Variants in CDH13 observed in about 807,000 individuals in gnomAD.
CDH13 encodes cadherin 13.
Under a neutral mutation model 63.8 loss-of-function variants are expected in CDH13, and 24 were observed. The observed-to-expected ratio is 0.38, with a 90% CI of 0.27 to 0.53. The LOEUF (loss-of-function observed/expected upper bound fraction) is 0.53. Ranked by LOEUF, CDH13 falls within the 20% of genes least tolerant of loss-of-function variation. The pLI, the probability that CDH13 is intolerant of heterozygous loss-of-function variation, is 0.85. For synonymous variants in CDH13, 503 were observed against 355.3 expected (o/e 1.42, Z -4.67); for missense variants, 1,049 against 903.1 (o/e 1.16, Z -2.07).
At chr16:83,294,944 C>G (rs2089555116) in intron 5 of CDH13, among the ~76,000 whole-genome samples, 1 of 152,080 alleles carries the variant, frequency 6.6e-6, no homozygotes, top group South Asian at 2.1e-4. Flanking sequence ...GCAAAGAGAA[C>G]AAAGCTGTAG....
intron 7 of CDH13, among the ~76,000 whole-genome samples, chr16:83,510,748 G>A (rs1455314114): frequency 6.6e-6 from 1 of 152,150 alleles, no homozygotes; most frequent in Non-Finnish European, 1.5e-5. Context: ...GGGGGTTTGG[G>A]TTTCTTTCAC....
chr16:82,746,714 A>C (rs1344643887), intron 1 of CDH13, among the ~76,000 whole-genome samples: 1 of 152,158 alleles, frequency 6.6e-6, no homozygotes, highest in Non-Finnish European at 1.5e-5. Context: ...TAAGACCTAG[A>C]AAAAATTCCC....
At chr16:83,758,824 T>C (rs1242603615) in intron 11 of CDH13, among the ~76,000 whole-genome samples, 1 of 152,230 alleles carries the variant, frequency 6.6e-6, no homozygotes, top group Non-Finnish European at 1.5e-5. Flanking sequence ...TAAAGAAAGA[T>C]ATGCAAGTCC....
chr16:82,943,402 T>C (rs1414901975), intron 2 of CDH13, among the ~76,000 whole-genome samples: 1 of 152,180 alleles, frequency 6.6e-6, no homozygotes, highest in Non-Finnish European at 1.5e-5. Flanking sequence ...CAGTGAATGA[T>C]TTTTTCTTTT....
At chr16:83,402,637 C>T (rs1032752687) in intron 6 of CDH13, among the ~76,000 whole-genome samples, 4 of 152,144 alleles carry the variant, frequency 2.6e-5, no homozygotes, top group African/African-American at 4.8e-5. Flanking sequence ...ATTGATAAAT[C>T]GTTGATAATA....
chr16:83,713,809 C>G (rs1908455219), intron 10 of CDH13, among the ~76,000 whole-genome samples: 1 of 152,196 alleles, frequency 6.6e-6, no homozygotes, highest in South Asian at 2.1e-4. Context: ...GTGACGTCAG[C>G]CCTGCATGTG....
intron 3 of CDH13, among the ~76,000 whole-genome samples, chr16:83,052,708 C>G (rs1437928789): frequency 2.2e-5 from 3 of 134,282 alleles, no homozygotes; most frequent in Admixed American, 1.8e-4. Context: ...ACCCAGAAGA[C>G]AGAGACTGCA....
At chr16:83,013,873 G>A (rs967900892) in intron 2 of CDH13, among the ~76,000 whole-genome samples, 1 of 152,184 alleles carries the variant, frequency 6.6e-6, no homozygotes, top group Non-Finnish European at 1.5e-5. Context: ...AAAGACAGAA[G>A]GAGGGTTTGC....
chr16:83,507,555 C>T (rs1429912547), intron 7 of CDH13, among the ~76,000 whole-genome samples: 2 of 152,098 alleles, frequency 1.3e-5, no homozygotes, highest in South Asian at 2.1e-4. Context: ...AATTAAAGAG[C>T]CCAGGAAACG....
intron 6 of CDH13, among the ~76,000 whole-genome samples, chr16:83,469,398 A>G (rs940371915): frequency 4.6e-5 from 7 of 152,156 alleles, no homozygotes; most frequent in Admixed American, 4.6e-4. Flanking sequence ...GCTAAGTATT[A>G]ATCAAATAGG....
intron 6 of CDH13, among the ~76,000 whole-genome samples, chr16:83,420,803 A>G (rs1057122366): frequency 1.3e-5 from 2 of 152,220 alleles, no homozygotes; most frequent in African/African-American, 4.8e-5. Context: ...TCTGTGGCCA[A>G]AGGCCCGAGA....
At chr16:83,521,165 T>A (rs2074825310) in intron 7 of CDH13, among the ~76,000 whole-genome samples, 1 of 152,162 alleles carries the variant, frequency 6.6e-6, no homozygotes, top group Non-Finnish European at 1.5e-5. Flanking sequence ...GCTAACACGT[T>A]TTAAATTTAA....
chr16:83,019,390 C>A (rs780176126), intron 2 of CDH13, among the ~76,000 whole-genome samples: 1 of 151,810 alleles, frequency 6.6e-6, no homozygotes, highest in Non-Finnish European at 1.5e-5. Context: ...ACTGAAAGGT[C>A]TTTAGGGGTT....
At chr16:83,066,935 C>T (rs1728108451) in intron 3 of CDH13, among the ~76,000 whole-genome samples, 1 of 152,174 alleles carries the variant, frequency 6.6e-6, no homozygotes, top group Non-Finnish European at 1.5e-5. Flanking sequence ...GGGGTTCAGA[C>T]TGTCTTTGTC....
intron 3 of CDH13, among the ~76,000 whole-genome samples, chr16:83,041,331 C>A (rs1917313246): frequency 6.6e-6 from 1 of 151,812 alleles, no homozygotes; most frequent in Non-Finnish European, 1.5e-5. Context: ...TCGTTGCAAA[C>A]ATGCAATTTA....
intron 5 of CDH13, among the ~76,000 whole-genome samples, chr16:83,307,839 T>A (rs914202555): frequency 2.0e-5 from 3 of 152,220 alleles, no homozygotes; most frequent in Non-Finnish European, 4.4e-5. Flanking sequence ...GGAGTAATTA[T>A]TTGCCGGTAA....
At chr16:83,302,540 C>T (rs1467192205) in intron 5 of CDH13, among the ~76,000 whole-genome samples, 1 of 152,186 alleles carries the variant, frequency 6.6e-6, no homozygotes, top group East Asian at 1.9e-4. Context: ...AATGTCCTCT[C>T]ACTTCTTATC....
chr16:82,893,504 G>A (rs1231656711), intron 2 of CDH13, among the ~76,000 whole-genome samples: 2 of 152,206 alleles, frequency 1.3e-5, no homozygotes, highest in Non-Finnish European at 2.9e-5. Context: ...AATTTTTCCT[G>A]TGGGTAATAC....
intron 7 of CDH13, among the ~76,000 whole-genome samples, chr16:83,530,360 T>C (rs1289889010): frequency 6.6e-6 from 1 of 152,242 alleles, no homozygotes; most frequent in African/African-American, 2.4e-5. Context: ...GATTCTCATA[T>C]TAGACACCTT....
Sources: gnomAD v4.1 joint callset for allele counts (sites outside exome capture counted in the v4.1 genomes callset) on GRCh38, gnomAD v4.1.1 for gene constraint, MANE v1.5 for transcripts, NCBI Gene and HGNC (gene_info 2026-07-23, HGNC 2026-07-21) for gene names.